Variants in TIAM1 observed in about 807,000 individuals in gnomAD.
TIAM1 encodes TIAM Rac1 associated GEF 1, also known as rho guanine nucleotide exchange factor TIAM1.
A neutral mutation model predicts 163.5 loss-of-function variants in TIAM1; 65 were observed. The observed-to-expected ratio is 0.40, with a 90% CI of 0.33 to 0.49. The LOEUF (loss-of-function observed/expected upper bound fraction) is 0.49, where lower values mean the gene tolerates loss of function less well. Ranked by LOEUF, TIAM1 falls within the 20% of genes least tolerant of loss-of-function variation. The pLI is 0.77. For synonymous variants in TIAM1, 833 were observed against 810.1 expected (o/e 1.03, Z -0.48); for missense variants, 1,789 against 2,044.7 (o/e 0.87, Z 2.41).
At chr21:31,255,160 G>C (rs1371555725) in intron 4 of TIAM1, among the ~76,000 whole-genome samples, 1 of 152,182 alleles carries the variant, frequency 6.6e-6, no homozygotes, top group African/African-American at 2.4e-5. Context: ...CGGGCCCCAG[G>C]TGAGCTTGCA....
chr21:31,472,250 G>A (rs767784529), intron 1 of TIAM1, among the ~76,000 whole-genome samples: 2 of 152,132 alleles, frequency 1.3e-5, no homozygotes, highest in Non-Finnish European at 2.9e-5. Flanking sequence ...GTCTGGGCCA[G>A]GCTCAATGTC....
At chr21:31,369,742 A>G (rs1170275761) in intron 2 of TIAM1, among the ~76,000 whole-genome samples, 2 of 152,158 alleles carry the variant, frequency 1.3e-5, no homozygotes, top group African/African-American at 4.8e-5. Flanking sequence ...AAGAAGAAGA[A>G]GGGTTAGGAG....
At chr21:31,294,246 C>A (rs1475960639) in intron 2 of TIAM1, among the ~76,000 whole-genome samples, 1 of 152,240 alleles carries the variant, frequency 6.6e-6, no homozygotes, top group Non-Finnish European at 1.5e-5. Context: ...AGAGCATTTC[C>A]TCCCAGCTAG....
intron 4 of TIAM1, among the ~76,000 whole-genome samples, chr21:31,260,235 CAT>C (rs1361828568): frequency 1.4e-5 from 2 of 141,566 alleles, no homozygotes; most frequent in Non-Finnish European, 3.0e-5. Context: ...TATATATACA[CAT>C]ATATACTTTT....
chr21:31,470,439 T>G (rs2045699895), intron 1 of TIAM1, among the ~76,000 whole-genome samples: 1 of 152,196 alleles, frequency 6.6e-6, no homozygotes, highest in Non-Finnish European at 1.5e-5. Flanking sequence ...GTTCAAGCGA[T>G]GCTCCTGCCT....
intron 3 of TIAM1, among the ~76,000 whole-genome samples, chr21:31,275,255 T>G (rs185711529): frequency 1.3e-5 from 2 of 152,350 alleles, no homozygotes; most frequent in East Asian, 3.9e-4. Flanking sequence ...ATTTTCACAA[T>G]TATACCTTTT....
At chr21:31,331,795 G>A (rs759099233) in intron 2 of TIAM1, among the ~76,000 whole-genome samples, 3 of 152,184 alleles carry the variant, frequency 2.0e-5, no homozygotes, top group Non-Finnish European at 4.4e-5. Context: ...CACAGAATGA[G>A]GGTCCCACAT....
intron 3 of TIAM1, 71 bp from the exon 4 acceptor site, chr21:31,267,054 C>T (rs2072817492): frequency 1.0e-5 from 15 of 1,505,168 alleles, no homozygotes; most frequent in South Asian, 8.0e-5. Flanking sequence ...TTAGAGAAAG[C>T]GCTCAGCCTG....
In TIAM1 at chr21:31,120,767, A is replaced by T; in HGVS notation, c.4377T>A (p.Ser1459=). The part of the protein sequence containing the change: ...RLARNRFTID[S]DAVSASSPEK... Reference sequence around the variant, plus strand: ...CCGGGCTGCTTGCGGAGACGGCATCAGAATCAATGGTAAACCTGTTTCGAG... The same window carrying T: ...CCGGGCTGCTTGCGGAGACGGCATCTGAATCAATGGTAAACCTGTTTCGAG... The change falls in exon 28 of 28, where the codon TCT becomes TCA. Residue 1459 remains serine, a synonymous_variant. Transcript: ENST00000541036. The surrounding 1 kb of genome is among the most constrained non-coding windows in gnomAD (Gnocchi z 4.2). 1 of 1,614,138 alleles carries T rather than the reference A, an allele frequency of 6.2e-7. No homozygotes were observed. Among genetic ancestry groups the T allele is most frequent in the East Asian group, 2.2e-5 (1 of 44,844 alleles).
chr21:31,543,111 C>T (rs147001285), intron 1 of TIAM1, among the ~76,000 whole-genome samples: 1 of 152,160 alleles, frequency 6.6e-6, no homozygotes, highest in South Asian at 2.1e-4. Context: ...CCCTGCTTCC[C>T]CCTCAGAGTA....
In TIAM1 at chr21:31,152,615, A is replaced by T. The variant is rs770778800; in HGVS notation, c.3366+21T>A. The T allele has an allele frequency of 4.3e-6, 7 of 1,613,350 alleles. No individual in the cohort carries two copies. The South Asian group carries it at 7.7e-5, about 18-fold the overall frequency. On this transcript the variant is annotated intron_variant, in intron 19 of 27. Coordinates refer to ENST00000541036, the MANE Select transcript of TIAM1 (RefSeq NM_001353694.2). ...AGCCACACTATAGCCCTGACGCTGG[A>T]GGCAGCTTTGCACTATTTACCTTAA... is the stretch of plus-strand genomic sequence containing the variant.
intron 23 of TIAM1, among the ~76,000 whole-genome samples, chr21:31,133,139 C>G (rs1231584983): frequency 2.0e-5 from 3 of 152,198 alleles, no homozygotes; most frequent in Non-Finnish European, 4.4e-5. Context: ...CCTTGCTCAG[C>G]CTTTCTGCTA....
chr21:31,423,407 C>T (rs1314010594), intron 2 of TIAM1, among the ~76,000 whole-genome samples: 1 of 152,036 alleles, frequency 6.6e-6, no homozygotes, highest in Non-Finnish European at 1.5e-5. Flanking sequence ...CTGGCACTAT[C>T]TTGAAGATGT....
intron 2 of TIAM1, among the ~76,000 whole-genome samples, chr21:31,351,430 C>A (rs1219420736): frequency 2.6e-5 from 4 of 152,144 alleles, no homozygotes; most frequent in African/African-American, 9.7e-5. Flanking sequence ...GGGCTCCAAC[C>A]TAGTACAAAA....
chr21:31,319,712 G>A (rs1015396139), intron 2 of TIAM1, among the ~76,000 whole-genome samples: 9 of 150,480 alleles, frequency 6.0e-5, no homozygotes, highest in South Asian at 2.1e-4. Flanking sequence ...CCCGGGAGGC[G>A]GAGCTTGCAG....
chr21:31,356,901 T>C (rs1167432392), intron 2 of TIAM1, among the ~76,000 whole-genome samples: 1 of 152,190 alleles, frequency 6.6e-6, no homozygotes, highest in Non-Finnish European at 1.5e-5. Flanking sequence ...GGATGGGGCT[T>C]GAGCCCATGG....
At chr21:31,542,312 AG>A (rs2048346325) in intron 1 of TIAM1, among the ~76,000 whole-genome samples, 1 of 152,046 alleles carries the variant, frequency 6.6e-6, no homozygotes, top group South Asian at 2.1e-4. Context: ...CTGTATTCCC[AG>A]CTTCTGGGGA....
chr21:31,557,239 G>A (rs1007669992), intron 1 of TIAM1, among the ~76,000 whole-genome samples: 3 of 152,220 alleles, frequency 2.0e-5, no homozygotes, highest in East Asian at 3.8e-4. Context: ...CCTGTTTGAA[G>A]CTGAGAACAG....
intron 15 of TIAM1, among the ~76,000 whole-genome samples, chr21:31,177,865 T>C (rs2084838960): frequency 6.6e-6 from 1 of 152,166 alleles, no homozygotes; most frequent in South Asian, 2.1e-4. Context: ...AGCAGCCAGG[T>C]AGCAGCCAGC....
Sources: gnomAD v4.1 joint callset for allele counts (sites outside exome capture counted in the v4.1 genomes callset) on GRCh38, gnomAD v4.1.1 for gene constraint, Gnocchi (gnomAD v3.1) non-coding constraint, MANE v1.5 for transcripts, NCBI Gene and HGNC (gene_info 2026-07-23, HGNC 2026-07-21) for gene names.